DDX60: variants seen among roughly 807,000 people sequenced by gnomAD.
DDX60 encodes the protein DExD/H-box helicase 60.
A neutral mutation model predicts 212.8 loss-of-function variants in DDX60; 165 were observed. The ratio of observed to expected loss-of-function variants is 0.78; its 90% confidence interval spans 0.68 to 0.88. The LOEUF is 0.88. Among genes scored for constraint, DDX60 ranks in the 40% least tolerant of loss-of-function variants. The pLI is 0.00. For synonymous variants in DDX60, 703 were observed against 685.3 expected, an observed-to-expected ratio of 1.03 and a Z score of -0.40; for missense variants, 1,905 against 2,003.9, an observed-to-expected ratio of 0.95 and a Z score of 0.94.
intron 1 of DDX60, among the ~76,000 whole-genome samples, chr4:168,315,345 G>C (rs1397025354): frequency 2.0e-5 from 3 of 152,178 alleles, no homozygotes; most frequent in Admixed American, 2.0e-4. Context: ...TCTAAATAGT[G>C]ATTCAATTCA....
chr4:168,267,850 C>T lies in DDX60; in HGVS notation c.2920G>A (p.Val974Ile). 6.2e-7 allele frequency: 1 copy of T among 1,610,044 alleles called. No individual in the cohort carries two copies. The highest frequency in any genetic ancestry group is 8.5e-7 in the Non-Finnish European group (1 of 1,178,214). The change falls in exon 21 of 38, where the codon GTT becomes ATT. Residue 974 changes from valine to isoleucine, a missense_variant. By Grantham distance (29) the Val-to-Ile change is conservative. Transcript: ENST00000393743. The stretch of plus-strand genomic sequence containing the variant: ...AATATATCAAACATACCAAGTCTAA[C>T]TTTATACGATTGTTTTACTTGCAAG... ...DYLQVKQSYK[V>I]RLVLYGERYN...
In DDX60 at chr4:168,216,998, C is replaced by T. The variant is rs768875546; in HGVS notation, c.5074G>A (p.Asp1692Asn). Reference sequence around the variant, plus strand: ...TGTTCAAAGGCTAAGACAACGTTGTCGTCTTCATTTTCACATAGCTCACGC... The same window carrying T: ...TGTTCAAAGGCTAAGACAACGTTGTTGTCTTCATTTTCACATAGCTCACGC... ...SLRELCENED[D>N]NVVLAFEQLS... is the part of the protein sequence containing the mutation. The change falls in exon 38 of 38, where the codon GAC (aspartate) becomes AAC (asparagine). Residue 1692 changes from aspartate to asparagine, a missense_variant. Physicochemically the swap from Asp to Asn is conservative, Grantham distance 23. Coordinates refer to ENST00000393743, the MANE Select transcript of DDX60 (RefSeq NM_017631.6). 6 of 1,605,188 alleles carry T rather than the reference C, an allele frequency of 3.7e-6. No individual in the cohort carries two copies. Among genetic ancestry groups the T allele is most frequent in the Admixed American group, 1.7e-5 (1 of 57,926 alleles).
intron 30 of DDX60, among the ~76,000 whole-genome samples, chr4:168,239,612 T>C (rs1029615494): frequency 1.3e-5 from 2 of 152,072 alleles, no homozygotes; most frequent in Admixed American, 6.6e-5. Context: ...CACTATGTAA[T>C]GTTAGAGCAA....
intron 10 of DDX60, among the ~76,000 whole-genome samples, chr4:168,286,268 T>G (rs1431156403): frequency 6.6e-6 from 1 of 151,820 alleles, no homozygotes. Context: ...TATATACATA[T>G]ACATACACAT....
At chr4:168,320,804 G>C (rs1737588027), upstream of DDX60, among the ~76,000 whole-genome samples, 1 of 152,160 alleles carries the variant, frequency 6.6e-6, no homozygotes, top group African/African-American at 2.4e-5. Flanking sequence ...TATGATTTCT[G>C]TCATTCTGTA....
rs1734907985 is a variant in DDX60 at position 168,267,686 on chromosome 4, A to G, written c.2935T>C (p.Tyr979His). Residue 979 changes from tyrosine (Y) to histidine (H), a missense_variant, in exon 22 of 38, where the codon TAT becomes CAT. Transcript: ENST00000393743. ...KQSYKVRLVL[Y>H]GERYNDLEKH... ...TCTAGATCATTATACCTCTCTCCATAGAGCACTAAAAATGAAGAACAAGAA... is the reference window on the plus strand; with the variant it reads ...TCTAGATCATTATACCTCTCTCCATGGAGCACTAAAAATGAAGAACAAGAA... 5 of 1,581,562 alleles carry G rather than the reference A, an allele frequency of 3.2e-6. No individual in the cohort carries two copies. The highest frequency in any genetic ancestry group is 3.4e-6 in the Non-Finnish European group (4 of 1,164,868).
rs140752009 is a variant in DDX60, at chr4:168,291,825, G to A, written c.964C>T (p.Leu322=). Residue 322 remains leucine (L), a synonymous_variant, in exon 8 of 38, where the codon CTG becomes TTG. Transcript: ENST00000393743. ...GCACAAGCTCTTTGAGAAAGAGGCAGATGGAGTAGAAAAACCACAGTGAGA... is the reference window on the plus strand; with the variant it reads ...GCACAAGCTCTTTGAGAAAGAGGCAAATGGAGTAGAAAAACCACAGTGAGA... ...HCLTVVFLLH[L]PLSQRACARV... 3.1e-6 allele frequency: 5 copies of A among 1,613,744 alleles called. No homozygotes were observed. The African/African-American group carries it at 6.7e-5, about 22-fold the overall frequency.
intron 19 of DDX60, among the ~76,000 whole-genome samples, chr4:168,269,472 G>T (rs1405701332): frequency 3.3e-5 from 5 of 152,084 alleles, no homozygotes; most frequent in Admixed American, 6.6e-5. Flanking sequence ...GTGGTGGTGG[G>T]TGCCTGTAGT....
In DDX60 at chr4:168,250,961, T is replaced by C. The variant is rs1734199221; in HGVS notation, c.3851A>G (p.Tyr1284Cys). ...TGAAGAAAATTCACCTACCCTAAGATATCCTTTTCTAAAGAGGATTTCAAC... is the reference window on the plus strand; with the variant it reads ...TGAAGAAAATTCACCTACCCTAAGACATCCTTTTCTAAAGAGGATTTCAAC... Reference protein sequence around the residue: ...QLVEILFRKGYLRVVTATGTL... With the variant: ...QLVEILFRKGCLRVVTATGTL... The change falls in exon 28 of 38, where the codon TAT becomes TGT. Residue 1284 changes from tyrosine to cysteine, a missense_variant. By Grantham distance (194) the Tyr-to-Cys change is radical. Coordinates refer to ENST00000393743, the MANE Select transcript of DDX60 (RefSeq NM_017631.6). 1 of 1,594,180 alleles carries C rather than the reference T, an allele frequency of 6.3e-7. No homozygotes were observed. The highest frequency in any genetic ancestry group is 8.5e-7 in the Non-Finnish European group (1 of 1,170,574).
intron 10 of DDX60, among the ~76,000 whole-genome samples, chr4:168,286,171 C>A (rs1479593054): frequency 6.6e-6 from 1 of 151,240 alleles, no homozygotes; most frequent in African/African-American, 2.4e-5. Flanking sequence ...AATACCTATG[C>A]CTTTTATTTT....
chr4:168,271,953 A>G lies in DDX60; in HGVS notation c.2670+90T>C, dbSNP rs1014503252. On this transcript the variant is annotated intron_variant, in intron 19 of 37. Coordinates refer to ENST00000393743, the MANE Select transcript of DDX60 (RefSeq NM_017631.6). ...GGCCTTCTCAATCTGAACTCCATCC[A>G]AGGGGATAGATGTCCTGAAACACCA... The G allele has an allele frequency of 1.1e-5, 11 of 1,041,676 alleles. No homozygotes were observed. In the African/African-American group the frequency reaches 1.8e-4, roughly 17 times the overall value. 64.5% of individuals were successfully genotyped at this position (1,041,676 alleles called of 1,614,324 possible).
intron 22 of DDX60, among the ~76,000 whole-genome samples, chr4:168,266,368 T>C (rs1019810225): frequency 5.3e-5 from 8 of 152,222 alleles, no homozygotes; most frequent in Non-Finnish European, 8.8e-5. Context: ...TGTTAGGAAA[T>C]GAAGGACACA....
At chr4:168,265,743 T>C (rs1309526043) in intron 22 of DDX60, 2 of 151,134 alleles carry the variant, frequency 1.3e-5, no homozygotes, top group Admixed American at 1.3e-4. Context: ...TTAAAAACTA[T>C]ACTGTTTTTA....
Position 168,274,013 on chromosome 4 carries a change from G to T in DDX60, c.2375C>A (p.Thr792Asn). Reference sequence around the variant, plus strand: ...CTCCATACAGTAGTAGGAGGCATAGGTTTTGCCTGAGGACGTTGGGGCAAC... The same window carrying T: ...CTCCATACAGTAGTAGGAGGCATAGTTTTTGCCTGAGGACGTTGGGGCAAC... ...VIVAPTSSGKTYASYYCMEKV... is the reference protein window; with the variant it reads ...VIVAPTSSGKNYASYYCMEKV... Residue 792 changes from threonine (T) to asparagine (N), a missense_variant, in exon 17 of 38, where the codon ACC (threonine) becomes AAC (asparagine). Thr to Asn is a moderately conservative substitution (Grantham distance 65, BLOSUM62 0). Coordinates refer to ENST00000393743, the MANE Select transcript of DDX60 (RefSeq NM_017631.6). The T allele has an allele frequency of 6.2e-7, 1 of 1,614,184 alleles. No individual in the cohort carries two copies. Among genetic ancestry groups the T allele is most frequent in the Non-Finnish European group, 8.5e-7 (1 of 1,180,022 alleles).
chr4:168,307,481 T>G (rs1389353128), intron 4 of DDX60, among the ~76,000 whole-genome samples: 1 of 152,152 alleles, frequency 6.6e-6, no homozygotes, highest in Non-Finnish European at 1.5e-5. Context: ...TCTCACTATG[T>G]CACCCAGGCT....
At chr4:168,238,188 T>G (rs1733696065) in intron 30 of DDX60, among the ~76,000 whole-genome samples, 1 of 126,042 alleles carries the variant, frequency 7.9e-6, no homozygotes, top group Non-Finnish European at 1.6e-5. Flanking sequence ...AAAACTGCAT[T>G]AAAGTACATG....
At chr4:168,318,866 C>A (rs2149562214), upstream of DDX60, 1 of 152,372 alleles carries the variant, frequency 6.6e-6, no homozygotes, top group African/African-American at 2.4e-5. Context: ...AGGCGAGGCA[C>A]TTTCGTGGAA....
intron 16 of DDX60, among the ~76,000 whole-genome samples, chr4:168,274,604 TC>T (rs1263596478): frequency 6.6e-6 from 1 of 152,158 alleles, no homozygotes; most frequent in Non-Finnish European, 1.5e-5. Flanking sequence ...ACCGGTCCAC[TC>T]CCGGCCACAC....
At chr4:168,266,198 T>G (rs1475994155) in intron 22 of DDX60, among the ~76,000 whole-genome samples, 2 of 152,210 alleles carry the variant, frequency 1.3e-5, no homozygotes, top group African/African-American at 4.8e-5. Flanking sequence ...CTTTCCTCAT[T>G]GTAAAGTGGG....
Sources: allele counts gnomAD v4.1 joint callset (sites outside exome capture counted in the v4.1 genomes callset), GRCh38; gene constraint gnomAD v4.1.1; transcripts MANE v1.5; gene names NCBI Gene and HGNC (gene_info 2026-07-23, HGNC 2026-07-21).